MTUS2: variants seen among roughly 807,000 people sequenced by gnomAD.
MTUS2 encodes microtubule-associated tumor suppressor candidate 2.
Under a neutral mutation model 114.1 loss-of-function variants are expected in MTUS2, and 40 were observed. That is an observed-to-expected ratio of 0.35 (90% CI 0.27 to 0.46). The LOEUF is 0.46. Among genes scored for constraint, MTUS2 ranks in the 20% least tolerant of loss-of-function variants. MTUS2 has a pLI of 1.00. For synonymous variants in MTUS2, 688 were observed against 672.0 expected (o/e 1.02, Z -0.37); for missense variants, 1,679 against 1,705.4 (o/e 0.98, Z 0.27).
At chr13:28,994,881 G>T (rs2138353084) in intron 2 of MTUS2, among the ~76,000 whole-genome samples, 2 of 152,202 alleles carry the variant, frequency 1.3e-5, no homozygotes, top group South Asian at 4.2e-4. Flanking sequence ...GGTTTCTTTT[G>T]CTGTGCAGAA....
chr13:28,850,507 A>G (rs1161470), intron 2 of MTUS2, among the ~76,000 whole-genome samples: 98,300 of 152,138 alleles, frequency 0.65, 34,926 homozygotes, highest in Non-Finnish European at 0.78. Context: ...GAACTTTGCA[A>G]TATTGTGTAG....
At chr13:29,290,008 C>G (rs757124189) in intron 6 of MTUS2, among the ~76,000 whole-genome samples, 12 of 152,182 alleles carry the variant, frequency 7.9e-5, no homozygotes, top group Non-Finnish European at 2.9e-5. Flanking sequence ...CCTCAGAAAC[C>G]TGCATTCACT....
intron 8 of MTUS2, among the ~76,000 whole-genome samples, chr13:29,367,529 C>A (rs919896550): frequency 6.6e-6 from 1 of 152,096 alleles, no homozygotes; most frequent in African/African-American, 2.4e-5. Flanking sequence ...AGATGGATGG[C>A]AGCAAGAAAA....
intron 5 of MTUS2, among the ~76,000 whole-genome samples, chr13:29,215,411 A>G (rs78229008): frequency 0.03 from 4,530 of 149,256 alleles, 106 homozygotes; most frequent in Non-Finnish European, 0.045. Context: ...TGTGCTGGTG[A>G]GGAATTGTGA....
At chr13:29,098,684 G>A (rs1890283698) in intron 4 of MTUS2, among the ~76,000 whole-genome samples, 1 of 152,156 alleles carries the variant, frequency 6.6e-6, no homozygotes, top group Non-Finnish European at 1.5e-5. Context: ...AGTAAGTGCA[G>A]AATAAGATAA....
At chr13:29,335,633 C>G (rs1157803078) in intron 7 of MTUS2, among the ~76,000 whole-genome samples, 1 of 152,096 alleles carries the variant, frequency 6.6e-6, no homozygotes, top group Non-Finnish European at 1.5e-5. Context: ...TAAAATTTCT[C>G]TTTTTGTACT....
At chr13:29,230,057 T>G (rs965579849) in intron 5 of MTUS2, among the ~76,000 whole-genome samples, 8 of 152,048 alleles carry the variant, frequency 5.3e-5, no homozygotes, top group African/African-American at 1.9e-4. Flanking sequence ...TCATCCTGGC[T>G]AACACAGTGA....
chr13:29,334,632 C>T lies in MTUS2; in HGVS notation c.2905+9921C>T, dbSNP rs190793066. ...GACTTTTGTCTGTGGCTGCTACTAA[C>T]ATTTTTTCCTTCATTTCAACCTTGA... On this transcript the variant is annotated intron_variant, in intron 7 of 15. Coordinates refer to ENST00000612955, the MANE Select transcript of MTUS2 (RefSeq NM_001033602.4). Among the ~76,000 whole-genome samples, 541 of 152,238 alleles carry T rather than the reference C, an allele frequency of 3.6e-3. 1 individual carries two copies. Among genetic ancestry groups the T allele is most frequent in the Admixed American group, 6.6e-3 (101 of 15,290 alleles).
At chr13:29,125,116 AT>A (rs2138927289) in intron 5 of MTUS2, among the ~76,000 whole-genome samples, 1 of 152,356 alleles carries the variant, frequency 6.6e-6, no homozygotes, top group Admixed American at 6.5e-5. Flanking sequence ...TAGAAAATAA[AT>A]TTTAAATGTC....
chr13:28,976,859 A>G (rs1286601499), intron 2 of MTUS2, among the ~76,000 whole-genome samples: 1 of 152,220 alleles, frequency 6.6e-6, no homozygotes, highest in East Asian at 1.9e-4. Context: ...AATAATCTGC[A>G]TGCTATGCTA....
intron 2 of MTUS2, among the ~76,000 whole-genome samples, chr13:28,946,269 CTGCGTG>C (rs1882520407): frequency 1.1e-5 from 1 of 90,130 alleles, no homozygotes. Flanking sequence ...CTCTTTCTGT[CTGCGTG>C]TGTGTGTGTG....
intron 2 of MTUS2, among the ~76,000 whole-genome samples, chr13:28,899,479 G>A (rs1050704623): frequency 3.3e-5 from 5 of 152,128 alleles, no homozygotes; most frequent in South Asian, 2.1e-4. Context: ...GCGTGATCTC[G>A]GCTCATTGCA....
intron 4 of MTUS2, among the ~76,000 whole-genome samples, chr13:29,062,358 G>T (rs1326521260): frequency 6.6e-6 from 1 of 152,202 alleles, no homozygotes; most frequent in Admixed American, 6.5e-5. Flanking sequence ...TACTCACCAG[G>T]TTAGGATTCT....
chr13:29,359,584 T>C lies in MTUS2; in HGVS notation c.3117+111T>C, dbSNP rs1443067138. The C allele has an allele frequency of 3.3e-6, 4 of 1,216,194 alleles. No homozygotes were observed. The East Asian group carries it at 1.0e-4, about 31-fold the overall frequency. The allele number at this position is 1,216,194 out of a possible 1,614,324, so 75.3% of individuals were successfully genotyped here. On this transcript the variant is annotated intron_variant, in intron 8 of 15. Transcript: ENST00000612955. ...TTTTGGGTTTGAGTTTTGATCAGAG[T>C]GGAGTTTGGATTTTCAGGAGTTCAG...
In MTUS2 at chr13:28,996,963, C is replaced by T. The variant is rs186859237; in HGVS notation, c.-242-27494C>T. Among the ~76,000 whole-genome samples the T allele has an allele frequency of 7.7e-4, 117 of 152,214 alleles. 1 individual carries two copies. The highest frequency in any genetic ancestry group is 7.5e-4 in the Non-Finnish European group (51 of 68,016). ...CTTTTGAATGTGTTTGCTCCTGCTT[C>T]TCTAGTTCTTTTAATTGTGATGTTA... On this transcript the variant is annotated intron_variant, in intron 2 of 15. Transcript: ENST00000612955.
intron 8 of MTUS2, among the ~76,000 whole-genome samples, chr13:29,428,441 G>T (rs530965914): frequency 6.6e-6 from 1 of 152,356 alleles, no homozygotes; most frequent in Admixed American, 6.5e-5. Context: ...CCAGGGGAGG[G>T]CTGGGAGCGG....
chr13:29,000,921 G>C (rs1216977139), intron 2 of MTUS2, among the ~76,000 whole-genome samples: 1 of 152,132 alleles, frequency 6.6e-6, no homozygotes, highest in Non-Finnish European at 1.5e-5. Context: ...GCTGCAGCCA[G>C]AGCTCTGTTC....
intron 11 of MTUS2, among the ~76,000 whole-genome samples, chr13:29,488,763 G>A (rs1056594341): frequency 5.3e-5 from 8 of 152,198 alleles, no homozygotes; most frequent in East Asian, 1.9e-4. Context: ...CACATTCACC[G>A]TGGGTGTGCG....
At chr13:29,319,826 T>C (rs1900176596) in intron 6 of MTUS2, among the ~76,000 whole-genome samples, 1 of 150,880 alleles carries the variant, frequency 6.6e-6, no homozygotes, top group African/African-American at 2.5e-5. Flanking sequence ...GAATAGGGTC[T>C]AAGGAAATAC....
Sources: allele counts gnomAD v4.1 joint callset (sites outside exome capture counted in the v4.1 genomes callset), GRCh38; gene constraint gnomAD v4.1.1; transcripts MANE v1.5; gene names NCBI Gene and HGNC (gene_info 2026-07-23, HGNC 2026-07-21).